MYO5A: variants seen among roughly 807,000 people sequenced by gnomAD.
MYO5A encodes the protein unconventional myosin-Va.
A neutral mutation model predicts 249.7 loss-of-function variants in MYO5A; 98 were observed. The ratio of observed to expected loss-of-function variants is 0.39; its 90% CI spans 0.33 to 0.46. MYO5A has a LOEUF of 0.46. MYO5A is among the 20% of genes least tolerant of loss of function. The pLI, the probability that MYO5A is intolerant of heterozygous loss-of-function variation, is 0.98. For missense variants in MYO5A, 1,696 were observed against 2,308.8 expected (o/e 0.73, Z 5.44); for synonymous variants, 778 against 810.6 (o/e 0.96, Z 0.68).
At chr15:52,482,789 G>A (rs543302621) in intron 1 of MYO5A, among the ~76,000 whole-genome samples, 1 of 152,168 alleles carries the variant, frequency 6.6e-6, no homozygotes, top group African/African-American at 2.4e-5. Flanking sequence ...CAAGGAGCCT[G>A]AGGCCCAGAT....
At chr15:52,324,069 G>A (rs2038474845) in intron 36 of MYO5A, among the ~76,000 whole-genome samples, 1 of 135,824 alleles carries the variant, frequency 7.4e-6, no homozygotes, top group African/African-American at 2.6e-5. Context: ...CCAAATTCAT[G>A]TCCCCCGTGG....
At chr15:52,433,396 G>T in intron 1 of MYO5A, 111 bp from the exon 2 acceptor site, 1 of 549,522 alleles carries the variant, frequency 1.8e-6, no homozygotes, top group Non-Finnish European at 3.2e-6. Context: ...AAGAAATCTT[G>T]GCCAACATGA....
At chr15:52,454,742 T>C (rs563578363) in intron 1 of MYO5A, among the ~76,000 whole-genome samples, 12 of 152,092 alleles carry the variant, frequency 7.9e-5, no homozygotes, top group African/African-American at 2.9e-4. Flanking sequence ...ATTTAAAAAA[T>C]TAAGATGGAA....
chr15:52,528,875 C>A lies in MYO5A; in HGVS notation c.-69G>T, dbSNP rs1380612141. On this transcript the variant is annotated 5_prime_UTR_variant, in exon 1 of 42. Coordinates refer to ENST00000399233, the MANE Select transcript of MYO5A (RefSeq NM_001382347.1). Reference sequence around the variant, plus strand: ...CACCTCGCCTGGGCGGCCGCCCGAGCGGACTAGGAAGCGCCCGCAGCCGCC... The same window carrying A: ...CACCTCGCCTGGGCGGCCGCCCGAGAGGACTAGGAAGCGCCCGCAGCCGCC... 1.4e-6 allele frequency: 2 copies of A among 1,392,250 alleles called. No individual in the cohort carries two copies. Among genetic ancestry groups the A allele is most frequent in the Non-Finnish European group, 1.9e-6 (2 of 1,075,340 alleles). The allele number at this position is 1,392,250 out of a possible 1,614,324, so 86.2% of individuals were successfully genotyped here. A position where few individuals can be genotyped will look rare whatever the true frequency, so the allele number is the denominator to read the frequency against.
intron 16 of MYO5A, among the ~76,000 whole-genome samples, chr15:52,381,104 G>A (rs144117036): frequency 2.3e-3 from 347 of 152,212 alleles, no homozygotes; most frequent in African/African-American, 8.0e-3. Flanking sequence ...GTTTCCCTTC[G>A]GCCAAATGAT....
intron 34 of MYO5A, 121 bp downstream of exon 34, chr15:52,336,342 A>T (rs2039115873): frequency 1.5e-6 from 1 of 684,788 alleles, no homozygotes; most frequent in East Asian, 2.8e-5. Context: ...CAAAAGTCAT[A>T]TTTTGTTATT....
chr15:52,343,188 A>G lies in MYO5A; in HGVS notation c.3969T>C (p.Ala1323=). Reference sequence around the variant, plus strand: ...CCTCATTCAACTCATGGTAATCCAGAGCAGATGATCTTCCATGCAAAAGGA... The same window carrying G: ...CCTCATTCAACTCATGGTAATCCAGGGCAGATGATCTTCCATGCAAAAGGA... ...IGLKETNRSS[A]LDYHELNEDG... is the part of the protein sequence containing the mutation. Residue 1323 remains alanine (A), a synonymous_variant, in exon 31 of 42, where the codon GCT becomes GCC. Coordinates refer to ENST00000399233, the MANE Select transcript of MYO5A (RefSeq NM_001382347.1). 1 of 1,613,790 alleles carries G rather than the reference A, an allele frequency of 6.2e-7. No individual in the cohort carries two copies. The highest frequency in any genetic ancestry group is 1.6e-4 in the Middle Eastern group (1 of 6,062).
chr15:52,507,800 T>TC (rs774682773), intron 1 of MYO5A, among the ~76,000 whole-genome samples: 9 of 79,224 alleles, frequency 1.1e-4, no homozygotes, highest in African/African-American at 4.5e-4. Context: ...TGAGACCCTG[T>TC]CCCCAAAAAA....
chr15:52,447,921 C>G (rs1237979176), intron 1 of MYO5A, among the ~76,000 whole-genome samples: 1 of 152,182 alleles, frequency 6.6e-6, no homozygotes, highest in Non-Finnish European at 1.5e-5. Flanking sequence ...TACGGAAAAG[C>G]CTGGAAGTCC....
chr15:52,402,019 A>C (rs964463743), intron 9 of MYO5A, among the ~76,000 whole-genome samples: 2 of 151,402 alleles, frequency 1.3e-5, no homozygotes, highest in African/African-American at 4.9e-5. Context: ...TCATTGGGGG[A>C]CTTGTGATTT....
intron 31 of MYO5A, 96 bp downstream of exon 31, chr15:52,343,021 A>G (rs2140996253): frequency 1.0e-6 from 1 of 954,950 alleles, no homozygotes; most frequent in East Asian, 2.4e-5. Context: ...GAAGACAATC[A>G]ATGCACAAGA....
At chr15:52,440,975 TCA>T (rs1032354126) in intron 1 of MYO5A, among the ~76,000 whole-genome samples, 4 of 152,338 alleles carry the variant, frequency 2.6e-5, no homozygotes, top group African/African-American at 9.6e-5. Flanking sequence ...GTGCTTTATG[TCA>T]CAATTCAATC....
rs545543556 is a variant in MYO5A at position 52,343,043 on chromosome 15, G to A, written c.4040+74C>T. 354 of 1,206,112 alleles carry A rather than the reference G, an allele frequency of 2.9e-4. 3 individuals are homozygous for A. In the South Asian group the frequency reaches 3.0e-3, roughly 10 times the overall value. The allele number at this position is 1,206,112 out of a possible 1,614,324, so 74.7% of individuals were successfully genotyped here. A position where few individuals can be genotyped will look rare whatever the true frequency, so the allele number is the denominator to read the frequency against. On this transcript the variant is annotated intron_variant, in intron 31 of 41. Coordinates refer to ENST00000399233, the MANE Select transcript of MYO5A (RefSeq NM_001382347.1). The stretch of plus-strand genomic sequence containing the variant: ...ATCAATGCACAAGAAATACAGGGGT[G>A]AAAGTCAGGAGGTCACTGTTAGTAA...
chr15:52,317,439 T>C (rs1021660812), intron 39 of MYO5A, among the ~76,000 whole-genome samples: 1 of 152,244 alleles, frequency 6.6e-6, no homozygotes. Flanking sequence ...GATAATGTAA[T>C]TCTCTTTAAT....
At chr15:52,526,861 C>G (rs942568241) in intron 1 of MYO5A, among the ~76,000 whole-genome samples, 2 of 152,230 alleles carry the variant, frequency 1.3e-5, no homozygotes, top group Admixed American at 6.5e-5. Flanking sequence ...ATTATCCACT[C>G]AGTCTCTAGT....
intron 1 of MYO5A, among the ~76,000 whole-genome samples, chr15:52,526,537 T>A (rs1159705504): frequency 6.6e-6 from 1 of 152,116 alleles, no homozygotes; most frequent in East Asian, 1.9e-4. Flanking sequence ...AATTTTCTAT[T>A]TTTAGTAGAG....
In MYO5A at chr15:52,378,851, C is replaced by G. The variant is rs369855469; in HGVS notation, c.2208+774G>C. On this transcript the variant is annotated intron_variant, in intron 18 of 41. Coordinates refer to ENST00000399233, the MANE Select transcript of MYO5A (RefSeq NM_001382347.1). ...AAATACAAATTCTTGGGCCCAACCT[C>G]AGACCTACTGAATCAGAAATTCTGA... Among the ~76,000 whole-genome samples, 12 of 152,288 alleles carry G rather than the reference C, an allele frequency of 7.9e-5. No homozygotes were observed. In the East Asian group the frequency reaches 1.7e-3, roughly 22 times the overall value.
intron 19 of MYO5A, among the ~76,000 whole-genome samples, chr15:52,375,794 T>C (rs972234265): frequency 6.6e-6 from 1 of 152,228 alleles, no homozygotes; most frequent in Non-Finnish European, 1.5e-5. Context: ...GCCATGCCTC[T>C]TTATAGAACA....
At chr15:52,439,293 T>C (rs1035673250) in intron 1 of MYO5A, among the ~76,000 whole-genome samples, 6 of 152,240 alleles carry the variant, frequency 3.9e-5, no homozygotes, top group African/African-American at 1.2e-4. Context: ...GATTCTGTCA[T>C]GATTAGCTAA....
Sources: gnomAD v4.1 joint callset for allele counts (sites outside exome capture counted in the v4.1 genomes callset) on GRCh38, gnomAD v4.1.1 for gene constraint, MANE v1.5 for transcripts, NCBI Gene and HGNC (gene_info 2026-07-23, HGNC 2026-07-21) for gene names.